KIR2DL1: variants seen among roughly 807,000 people sequenced by gnomAD.
The protein encoded by KIR2DL1 is killer cell immunoglobulin-like receptor 2DL1.
Under a neutral mutation model 33.9 loss-of-function variants are expected in KIR2DL1, and 38 were observed. The observed-to-expected ratio is 1.12, with a 90% CI of 0.86 to 1.47. KIR2DL1 has a LOEUF of 1.47. Among genes scored for constraint, KIR2DL1 ranks in the 40% most tolerant of loss-of-function variants. The pLI is 0.00. For missense variants in KIR2DL1, 531 were observed against 433.9 expected, an observed-to-expected ratio of 1.22 and a Z score of -1.99; for synonymous variants, 179 against 165.9, an observed-to-expected ratio of 1.08 and a Z score of -0.61.
At chr19:54,783,100 C>T in intron 6 of KIR2DL1, 77 bp downstream of exon 6, 3 of 1,505,528 alleles carry the variant, frequency 2.0e-6, no homozygotes, top group Non-Finnish European at 2.8e-6. Context: ...GGTGTGTGTT[C>T]CTCACAAACA....
At position 54,776,980 on chromosome 19, in the gene KIR2DL1, G is replaced by A. The variant is rs1190913117; in HGVS notation, c.664+1522G>A. ...TTAAAGGACTTCCATACTTTTCTCCGTAATGGCTGTACTAATTTACACTCC... is the reference window on the plus strand; with the variant it reads ...TTAAAGGACTTCCATACTTTTCTCCATAATGGCTGTACTAATTTACACTCC... On this transcript the variant is annotated intron_variant, in intron 4 of 7. Transcript: ENST00000336077. Among the ~76,000 whole-genome samples the A allele has an allele frequency of 1.2e-4, 18 of 150,106 alleles. 1 individual carries two copies. The highest frequency in any genetic ancestry group is 1.5e-4 in the African/African-American group (6 of 40,884).
rs1228214000 is a variant in KIR2DL1, at chr19:54,775,995, G to A, written c.664+537G>A. Among the ~76,000 whole-genome samples the A allele has an allele frequency of 4.1e-5, 6 of 146,350 alleles. 1 individual carries two copies. The highest frequency in any genetic ancestry group is 1.0e-4 in the African/African-American group (4 of 40,004). On this transcript the variant is annotated intron_variant, in intron 4 of 7. Coordinates refer to ENST00000336077, the MANE Select transcript of KIR2DL1 (RefSeq NM_014218.3). ...CAACCTCCGCCTCCTGGGTTCAAGC[G>A]ATTCTCCTGCCTCAGCCACCTGAGT...
chr19:54,782,297 T>G (rs1343371594), intron 5 of KIR2DL1, among the ~76,000 whole-genome samples: 1 of 151,946 alleles, frequency 6.6e-6, no homozygotes, highest in Non-Finnish European at 1.5e-5. Flanking sequence ...TTAGGCCATT[T>G]TTGTTGCTCT....
In KIR2DL1 at chr19:54,783,654, C is replaced by T; in HGVS notation, c.888C>T (p.Asp296=). ...TANSEDSDEQ[D]PQEVTYTQLN... is the part of the protein sequence containing the mutation. ...CTCTCCAGGACTCTGATGAACAAGA[C>T]CCTCAGGAGGTGACATACACACAGT... Residue 296 remains aspartate, a synonymous_variant, in exon 8 of 8, where the codon GAC becomes GAT. Transcript: ENST00000336077. 6.2e-7 allele frequency: 1 copy of T among 1,614,020 alleles called. No homozygotes were observed. Among genetic ancestry groups the T allele is most frequent in the Non-Finnish European group, 8.5e-7 (1 of 1,179,978 alleles).
intron 2 of KIR2DL1, 81 bp from the exon 3 acceptor site, chr19:54,773,252 G>A (rs2075958440): frequency 7.1e-7 from 1 of 1,417,666 alleles, no homozygotes; most frequent in Non-Finnish European, 9.7e-7. Context: ...ACACCAGGAA[G>A]GGGAAGCCTG....
At chr19:54,783,575 A>C in intron 7 of KIR2DL1, 37 bp downstream of exon 7, 1 of 1,613,926 alleles carries the variant, frequency 6.2e-7, no homozygotes, top group Non-Finnish European at 8.5e-7. Flanking sequence ...GGCTACTGTT[A>C]TTCCCAAAGA....
intron 4 of KIR2DL1, among the ~76,000 whole-genome samples, chr19:54,777,200 C>T (rs1311641508): frequency 2.7e-5 from 4 of 150,050 alleles, no homozygotes; most frequent in African/African-American, 7.3e-5. Flanking sequence ...AAGCGATTCT[C>T]CTGCCTCAGC....
rs1182929330 is a variant in KIR2DL1 at position 54,776,341 on chromosome 19, T to C, written c.664+883T>C. Among the ~76,000 whole-genome samples, 18 of 147,094 alleles carry C rather than the reference T, an allele frequency of 1.2e-4. 3 individuals are homozygous for C. The highest frequency in any genetic ancestry group is 4.5e-4 in the African/African-American group (18 of 40,248). On this transcript the variant is annotated intron_variant, in intron 4 of 7. Coordinates refer to ENST00000336077, the MANE Select transcript of KIR2DL1 (RefSeq NM_014218.3). ...ACCTTCATGAGATCCACCTTTTAGC[T>C]CCTGTATATGGGTGAGAAATGGGAA...
Position 54,783,690 on chromosome 19 carries a change from C to A in KIR2DL1, c.924C>A (p.Cys308Ter), listed in dbSNP as rs2916014. ...TGACATACACACAGTTGAATCACTG[C>A]GTTTTCACACAGAGAAAAATCACTC... is the stretch of plus-strand genomic sequence containing the variant. ...QEVTYTQLNH[C>*]VFTQRKITRP... is the part of the protein sequence containing the mutation. The change falls in exon 8 of 8, where the codon TGC becomes TGA. Residue 308 changes from cysteine (C) to a stop codon, truncating the protein, a stop_gained. Transcript: ENST00000336077. LOFTEE classifies it low-confidence loss of function (END_TRUNC). 3 of 1,613,628 alleles carry A rather than the reference C, an allele frequency of 1.9e-6. No homozygotes were observed. In the African/African-American group the frequency reaches 4.0e-5, roughly 22 times the overall value.
chr19:54,775,718 G>T (rs367995325), intron 4 of KIR2DL1, among the ~76,000 whole-genome samples: 2 of 148,512 alleles, frequency 1.3e-5, no homozygotes, highest in African/African-American at 4.9e-5. Context: ...GAGGGAGACT[G>T]GGCTCAGTTT....
In KIR2DL1 at chr19:54,783,036, A is replaced by C. The variant is rs1203568961; in HGVS notation, c.817+13A>C. ...TCCAACAAAAAAAGTAAGTCTCACG[A>C]AGCAGAGGCCAGAGAGCTCAGGGCC... On this transcript the variant is annotated intron_variant, in intron 6 of 7. Coordinates refer to ENST00000336077, the MANE Select transcript of KIR2DL1 (RefSeq NM_014218.3). 1.4e-5 allele frequency: 22 copies of C among 1,611,118 alleles called. No individual in the cohort carries two copies. In the East Asian group the frequency reaches 4.9e-4, roughly 36 times the overall value.
chr19:54,778,849 T>C (rs1030062803), intron 5 of KIR2DL1, among the ~76,000 whole-genome samples, 187 bp downstream of exon 5: 3 of 148,438 alleles, frequency 2.0e-5, no homozygotes, highest in Admixed American at 6.9e-5. Context: ...AATCTCTTCA[T>C]CTCTCATTTT....
At position 54,771,661 on chromosome 19, in the gene KIR2DL1, T is replaced by C. The variant is rs1050890539; in HGVS notation, c.70+777T>C. ...CTGCCTGGCCAAGCCCTGTGGTGCC[T>C]CCAGGACATGTGATTCTTCAGTGTC... On this transcript the variant is annotated intron_variant, in intron 2 of 7. Transcript: ENST00000336077. Among the ~76,000 whole-genome samples the C allele has an allele frequency of 4.7e-5, 7 of 148,178 alleles. 1 individual carries two copies. The highest frequency in any genetic ancestry group is 1.4e-4 in the Admixed American group (2 of 14,654).
chr19:54,777,617 G>A (rs1600798728), intron 4 of KIR2DL1, among the ~76,000 whole-genome samples: 1 of 148,696 alleles, frequency 6.7e-6, no homozygotes, highest in African/African-American at 2.5e-5. Flanking sequence ...CCCAATCTGT[G>A]GGTTGTCTCT....
rs1271567941 is a variant in KIR2DL1, at chr19:54,778,374, C to T, written c.665-238C>T. 7.4e-5 allele frequency among the ~76,000 whole-genome samples: 11 copies of T among 149,142 alleles called. 1 individual carries two copies. The highest frequency in any genetic ancestry group is 2.4e-4 in the African/African-American group (10 of 40,892). ...TGCCAATGTCATGCTATTTTGCTTACTACAGCTCTGTAACATATTTTGAGA... is the reference window on the plus strand; with the variant it reads ...TGCCAATGTCATGCTATTTTGCTTATTACAGCTCTGTAACATATTTTGAGA... On this transcript the variant is annotated intron_variant, in intron 4 of 7. Transcript: ENST00000336077.
At chr19:54,780,443 G>A (rs796958859) in intron 5 of KIR2DL1, among the ~76,000 whole-genome samples, 42 of 136,708 alleles carry the variant, frequency 3.1e-4, no homozygotes, top group East Asian at 8.0e-4. Context: ...ATGACAAGAC[G>A]ACTGTAGAGA....
intron 5 of KIR2DL1, 80 bp downstream of exon 5, chr19:54,778,742 C>G: frequency 7.6e-7 from 1 of 1,322,722 alleles, no homozygotes; most frequent in Admixed American, 1.8e-5. Flanking sequence ...GACTCAGCAT[C>G]TCACAGCTCT....
chr19:54,778,208 G>A (rs1337835897), intron 4 of KIR2DL1, among the ~76,000 whole-genome samples: 2 of 148,856 alleles, frequency 1.3e-5, no homozygotes, highest in Admixed American at 6.8e-5. Flanking sequence ...GCAGTGAACC[G>A]AGATTGCACC....
At chr19:54,772,096 C>G (rs1403860400) in intron 2 of KIR2DL1, among the ~76,000 whole-genome samples, 1 of 148,016 alleles carries the variant, frequency 6.8e-6, no homozygotes, top group Non-Finnish European at 1.5e-5. Flanking sequence ...GAGTCTGTGA[C>G]TATTTATGAT....
Sources: gnomAD v4.1 joint callset for allele counts (sites outside exome capture counted in the v4.1 genomes callset) on GRCh38, gnomAD v4.1.1 for gene constraint, MANE v1.5 for transcripts, NCBI Gene and HGNC (gene_info 2026-07-23, HGNC 2026-07-21) for gene names.